FMN2: variants seen among roughly 807,000 people sequenced by gnomAD.
FMN2 encodes the protein formin 2, also known as formin-2.
A neutral mutation model predicts 142.3 loss-of-function variants in FMN2; 51 were observed. That is an observed-to-expected ratio of 0.36 (90% CI 0.29 to 0.45). The LOEUF is 0.45. FMN2 is among the 20% of genes least tolerant of loss of function. The pLI is 1.00. For missense variants in FMN2, 1,936 were observed against 2,122.8 expected, an observed-to-expected ratio of 0.91 and a Z score of 1.73; for synonymous variants, 882 against 869.8, an observed-to-expected ratio of 1.01 and a Z score of -0.25.
intron 8 of FMN2, among the ~76,000 whole-genome samples, chr1:240,318,218 T>C (rs1670854493): frequency 6.6e-6 from 1 of 152,182 alleles, no homozygotes; most frequent in Non-Finnish European, 1.5e-5. Flanking sequence ...TAAGTAGCAC[T>C]GCCTCATACC....
chr1:240,446,364 T>A (rs1675815375), intron 16 of FMN2, among the ~76,000 whole-genome samples: 1 of 152,206 alleles, frequency 6.6e-6, no homozygotes, highest in Non-Finnish European at 1.5e-5. Context: ...GTTTTTAGTT[T>A]GGTAAGGATT....
intron 8 of FMN2, among the ~76,000 whole-genome samples, chr1:240,325,145 CCCAGGAGTTTGAGA>C (rs1345809839): frequency 6.6e-6 from 1 of 151,710 alleles, no homozygotes; most frequent in Non-Finnish European, 1.5e-5. Flanking sequence ...ACAGCTTGAG[CCCAGGAGTTTGAGA>C]CCAGCCTGGG....
chr1:240,461,848 CAT>C (rs1676461380), intron 16 of FMN2, among the ~76,000 whole-genome samples: 1 of 152,132 alleles, frequency 6.6e-6, no homozygotes, highest in Non-Finnish European at 1.5e-5. Context: ...AGATGGTGCA[CAT>C]GATATGCCCA....
intron 3 of FMN2, chr1:240,179,770 G>C (rs1665076053): frequency 6.5e-6 from 1 of 153,096 alleles, no homozygotes; most frequent in African/African-American, 2.4e-5. Flanking sequence ...AATACTTAGG[G>C]GTAGATATAG....
At chr1:240,289,679 C>G (rs1481549560) in intron 7 of FMN2, among the ~76,000 whole-genome samples, 2 of 151,928 alleles carry the variant, frequency 1.3e-5, no homozygotes, top group Non-Finnish European at 2.9e-5. Context: ...GACCCTGTCA[C>G]TCTGTCTCTC....
chr1:240,171,399 G>A, intron 2 of FMN2: 1 of 528,412 alleles, frequency 1.9e-6, no homozygotes. Context: ...CCAGAGAATG[G>A]TGTGATGTGC....
chr1:240,337,857 GCTCACTCC>G (rs1671616292), intron 13 of FMN2, among the ~76,000 whole-genome samples: 1 of 152,084 alleles, frequency 6.6e-6, no homozygotes, highest in South Asian at 2.1e-4. Context: ...TAGTTTCTCT[GCTCACTCC>G]CAAGATTTCC....
intron 15 of FMN2, among the ~76,000 whole-genome samples, chr1:240,404,158 CATTT>C (rs1163060828): frequency 1.3e-5 from 2 of 152,122 alleles, no homozygotes; most frequent in Non-Finnish European, 2.9e-5. Flanking sequence ...TGTAACTATT[CATTT>C]GTCACAGGAG....
intron 7 of FMN2, among the ~76,000 whole-genome samples, chr1:240,271,338 G>C (rs2102920797): frequency 6.7e-6 from 1 of 149,426 alleles, no homozygotes; most frequent in African/African-American, 2.5e-5. Context: ...ATCATCATTT[G>C]TTTATTTTTG....
chr1:240,131,767 TG>T (rs1285792173), intron 2 of FMN2, among the ~76,000 whole-genome samples: 2 of 151,740 alleles, frequency 1.3e-5, no homozygotes, highest in African/African-American at 4.8e-5. Context: ...CAGGGGTGCA[TG>T]TGAGCACAGT....
chr1:240,389,944 C>T (rs1194354852), intron 14 of FMN2, among the ~76,000 whole-genome samples: 1 of 151,970 alleles, frequency 6.6e-6, no homozygotes, highest in Non-Finnish European at 1.5e-5. Flanking sequence ...AAAGTGAGAC[C>T]CTGTCTCAAA....
intron 8 of FMN2, among the ~76,000 whole-genome samples, chr1:240,295,108 G>A (rs1669921271): frequency 6.6e-6 from 1 of 151,836 alleles, no homozygotes; most frequent in Non-Finnish European, 1.5e-5. Flanking sequence ...TGCATATGAG[G>A]TCATTCATTA....
intron 13 of FMN2, among the ~76,000 whole-genome samples, chr1:240,354,877 A>C (rs1200266363): frequency 6.6e-6 from 1 of 151,668 alleles, no homozygotes; most frequent in East Asian, 1.9e-4. Flanking sequence ...TTTTTTTTGC[A>C]TCAGATGTGT....
chr1:240,332,064 A>C (rs1671394473), intron 11 of FMN2, among the ~76,000 whole-genome samples: 1 of 152,184 alleles, frequency 6.6e-6, no homozygotes, highest in Admixed American at 6.5e-5. Context: ...AAATTAATAC[A>C]GATATTCATG....
At chr1:240,135,246 C>T (rs1008135697) in intron 2 of FMN2, among the ~76,000 whole-genome samples, 2 of 152,148 alleles carry the variant, frequency 1.3e-5, no homozygotes, top group African/African-American at 4.8e-5. Flanking sequence ...TTGCTCTTCT[C>T]TTTCAAAGAG....
At position 240,208,481 on chromosome 1, in the gene FMN2, C is replaced by T; in HGVS notation, c.3669C>T (p.Pro1223=). 1.2e-6 allele frequency: 2 copies of T among 1,610,936 alleles called. No individual in the cohort carries two copies. The highest frequency in any genetic ancestry group is 1.7e-6 in the Non-Finnish European group (2 of 1,178,956). The part of the protein sequence containing the change: ...PGMGIPPAPA[P]PLPPPGTGIP... ...TGGGGATTCCACCTGCTCCAGCTCC[C>T]CCACTCCCTCCACCTGGGACAGGAA... Residue 1223 remains proline (P), a synonymous_variant, in exon 5 of 18, where the codon CCC becomes CCT. Transcript: ENST00000319653.
intron 13 of FMN2, among the ~76,000 whole-genome samples, chr1:240,336,632 A>G (rs1267981848): frequency 1.3e-5 from 2 of 150,270 alleles, no homozygotes; most frequent in Non-Finnish European, 3.0e-5. Context: ...TTTTCACAGA[A>G]TCTCTGGTGT....
chr1:240,344,461 A>G (rs1293723650), intron 13 of FMN2, among the ~76,000 whole-genome samples: 2 of 152,186 alleles, frequency 1.3e-5, no homozygotes, highest in Non-Finnish European at 2.9e-5. Flanking sequence ...ATAAGCCTCA[A>G]GTATTTCTCT....
chr1:240,471,079 T>G (rs1676790554), intron 16 of FMN2, among the ~76,000 whole-genome samples: 1 of 152,220 alleles, frequency 6.6e-6, no homozygotes, highest in Non-Finnish European at 1.5e-5. Context: ...GAGCCAGAAC[T>G]TCATACAGGA....
Sources: gnomAD v4.1 joint callset for allele counts (sites outside exome capture counted in the v4.1 genomes callset) on GRCh38, gnomAD v4.1.1 for gene constraint, MANE v1.5 for transcripts, NCBI Gene and HGNC (gene_info 2026-07-23, HGNC 2026-07-21) for gene names.